Variants in SGCZ observed in about 807,000 individuals in gnomAD.
SGCZ encodes the protein sarcoglycan zeta.
SGCZ carries 40 observed loss-of-function variants against 41.3 expected under a neutral mutation model. The ratio of observed to expected loss-of-function variants is 0.97; its 90% CI spans 0.75 to 1.26. The LOEUF is 1.26. Ranked by LOEUF, SGCZ falls within the 50% of genes most tolerant of loss-of-function variation. The pLI is 0.00. For synonymous variants in SGCZ, 206 were observed against 137.5 expected, an observed-to-expected ratio of 1.50 and a Z score of -3.49; for missense variants, 552 against 369.8, an observed-to-expected ratio of 1.49 and a Z score of -4.04.
chr8:14,346,294 C>A (rs1030684460), intron 2 of SGCZ, among the ~76,000 whole-genome samples: 1 of 152,002 alleles, frequency 6.6e-6, no homozygotes, highest in Non-Finnish European at 1.5e-5. Context: ...TTAAAAAATT[C>A]TACTGTAGTA....
In SGCZ at chr8:14,722,903, TAAAC is replaced by T. The variant is rs897730655; in HGVS notation, c.40-167981_40-167978del. Among the ~76,000 whole-genome samples the T allele has an allele frequency of 1.0e-3, 156 of 152,208 alleles. 2 individuals are homozygous for T. The highest frequency in any genetic ancestry group is 3.6e-3 in the African/African-American group (150 of 41,534). On this transcript the variant is annotated intron_variant, in intron 1 of 7. Transcript: ENST00000382080. ...AAAATGCGTTCCATTTCAACAACAG[TAAAC>T]AAAGAAAAAACTAGAATTTAATCTC...
chr8:14,448,961 T>G (rs1320489894), intron 2 of SGCZ, among the ~76,000 whole-genome samples: 2 of 152,188 alleles, frequency 1.3e-5, no homozygotes, highest in Non-Finnish European at 2.9e-5. Context: ...GAATGACCAC[T>G]CAGTTTTTAT....
At chr8:14,820,512 A>G (rs1474885858) in intron 1 of SGCZ, among the ~76,000 whole-genome samples, 1 of 152,080 alleles carries the variant, frequency 6.6e-6, no homozygotes, top group Non-Finnish European at 1.5e-5. Flanking sequence ...ACATTTGTAC[A>G]GCTTTCCATC....
intron 5 of SGCZ, among the ~76,000 whole-genome samples, chr8:14,144,690 C>T (rs990845593): frequency 2.0e-5 from 3 of 152,164 alleles, no homozygotes; most frequent in African/African-American, 7.2e-5. Flanking sequence ...GAGTCCCCAG[C>T]TCCAGGACTT....
intron 1 of SGCZ, among the ~76,000 whole-genome samples, chr8:14,751,666 TG>T (rs1799501712): frequency 6.6e-6 from 1 of 152,122 alleles, no homozygotes; most frequent in Non-Finnish European, 1.5e-5. Context: ...TGAGAGGATT[TG>T]CCTCCCGAGT....
At chr8:14,665,901 C>T (rs1293422434) in intron 1 of SGCZ, among the ~76,000 whole-genome samples, 2 of 152,134 alleles carry the variant, frequency 1.3e-5, no homozygotes, top group African/African-American at 4.8e-5. Context: ...GTTATGTTTT[C>T]ACTTTCATTT....
chr8:14,600,646 G>T (rs923580515), intron 1 of SGCZ, among the ~76,000 whole-genome samples: 1 of 152,114 alleles, frequency 6.6e-6, no homozygotes, highest in Non-Finnish European at 1.5e-5. Flanking sequence ...TGCATTTGCT[G>T]ATAAAGGTTA....
rs1585549086 is a variant in SGCZ, at chr8:14,463,400, T to G, written c.234+91332A>C. Among the ~76,000 whole-genome samples the G allele has an allele frequency of 5.5e-5, 7 of 127,172 alleles. 2 individuals carry two copies. The highest frequency in any genetic ancestry group is 1.7e-5 in the Non-Finnish European group (1 of 58,670). The allele number at this position is 127,172 out of a possible 152,430, so 83.4% of individuals were successfully genotyped here. ...AAAAGAATACGAAGTTTTTAACAAG[T>G]GGTGTAAAAAAAAAAAAAAAACCCT... is the stretch of plus-strand genomic sequence containing the variant. On this transcript the variant is annotated intron_variant, in intron 2 of 7. Coordinates refer to ENST00000382080, the MANE Select transcript of SGCZ (RefSeq NM_139167.4).
chr8:14,902,411 T>C (rs1004264026), intron 1 of SGCZ, among the ~76,000 whole-genome samples: 2 of 152,128 alleles, frequency 1.3e-5, no homozygotes, highest in Non-Finnish European at 2.9e-5. Flanking sequence ...AATGCCTCTG[T>C]CTCTCCGAAG....
chr8:14,649,533 T>A (rs1807329726), intron 1 of SGCZ, among the ~76,000 whole-genome samples: 1 of 152,074 alleles, frequency 6.6e-6, no homozygotes, highest in Non-Finnish European at 1.5e-5. Flanking sequence ...GGAGCCTGTA[T>A]CTGAGATAGT....
intron 2 of SGCZ, among the ~76,000 whole-genome samples, chr8:14,398,763 A>C (rs1798989937): frequency 6.6e-6 from 1 of 152,116 alleles, no homozygotes; most frequent in Non-Finnish European, 1.5e-5. Context: ...TCTGAGTTAT[A>C]ATGTCCAGCA....
chr8:15,095,512 A>C (rs1806313543), intron 1 of SGCZ, among the ~76,000 whole-genome samples: 1 of 152,206 alleles, frequency 6.6e-6, no homozygotes, highest in South Asian at 2.1e-4. Flanking sequence ...TCAATTATTC[A>C]ATCATTTGAA....
At chr8:14,955,271 T>A (rs1465507225) in intron 1 of SGCZ, among the ~76,000 whole-genome samples, 2 of 152,204 alleles carry the variant, frequency 1.3e-5, no homozygotes, top group Non-Finnish European at 2.9e-5. Flanking sequence ...TCCATGTTGA[T>A]GTGTGTAGCT....
rs1802187191 is a variant in SGCZ, at chr8:15,237,728, C to G, written c.-105G>C. ...ACTCAGCTTTATCCTCCTCCAAGCCCCGGCAGCTCCTCTCAGTCTCATTCT... is the reference window on the plus strand; with the variant it reads ...ACTCAGCTTTATCCTCCTCCAAGCCGCGGCAGCTCCTCTCAGTCTCATTCT... On this transcript the variant is annotated 5_prime_UTR_variant, in exon 1 of 8. Coordinates refer to ENST00000382080, the MANE Select transcript of SGCZ (RefSeq NM_139167.4). 9 of 1,223,722 alleles carry G rather than the reference C, an allele frequency of 7.4e-6. No homozygotes were observed. Among genetic ancestry groups the G allele is most frequent in the Non-Finnish European group, 1.1e-5 (9 of 852,566 alleles). The allele number at this position is 1,223,722 out of a possible 1,614,324, so 75.8% of individuals were successfully genotyped here.
In SGCZ at chr8:14,310,008, A is replaced by G. The variant is rs192048458; in HGVS notation, c.336+14095T>C. On this transcript the variant is annotated intron_variant, in intron 3 of 7. Transcript: ENST00000382080. Reference sequence around the variant, plus strand: ...AAATTTTACCCATCCACAATAGTCAAAAAAAAACTTGGCATTTCTATACTT... The same window carrying G: ...AAATTTTACCCATCCACAATAGTCAGAAAAAAACTTGGCATTTCTATACTT... Among the ~76,000 whole-genome samples the G allele has an allele frequency of 3.7e-3, 569 of 152,188 alleles. 4 individuals are homozygous for G. The highest frequency in any genetic ancestry group is 0.013 in the African/African-American group (538 of 41,544).
intron 1 of SGCZ, among the ~76,000 whole-genome samples, chr8:14,904,413 T>A (rs920302117): frequency 1.3e-5 from 2 of 152,040 alleles, no homozygotes; most frequent in African/African-American, 4.8e-5. Context: ...AAACATCTCA[T>A]TATCAAAGAA....
At chr8:14,807,564 C>A (rs984718285) in intron 1 of SGCZ, among the ~76,000 whole-genome samples, 53 of 151,606 alleles carry the variant, frequency 3.5e-4, no homozygotes, top group African/African-American at 1.3e-3. Flanking sequence ...CAAACCACTG[C>A]TCAAGGAAAT....
In SGCZ at chr8:15,015,726, CGTGTGTGTGTGTGTGTGT is replaced by C. The variant is rs60624490; in HGVS notation, c.39+221841_39+221858del. On this transcript the variant is annotated intron_variant, in intron 1 of 7. Coordinates refer to ENST00000382080, the MANE Select transcript of SGCZ (RefSeq NM_139167.4). The stretch of plus-strand genomic sequence containing the variant: ...AAAGAAAAGAAAAAAGAAATATACA[CGTGTGTGTGTGTGTGTGT>C]GTGTGTGTGTGTGTGTGTGTGTGTG... Among the ~76,000 whole-genome samples, 331 of 125,174 alleles carry C rather than the reference CGTGTGTGTGTGTGTGTGT, an allele frequency of 2.6e-3. 2 individuals carry two copies. The highest frequency in any genetic ancestry group is 7.4e-3 in the African/African-American group (254 of 34,540). 82.1% of individuals were successfully genotyped at this position (125,174 alleles called of 152,430 possible). A position where few individuals can be genotyped will look rare whatever the true frequency, so the allele number is the denominator to read the frequency against.
At chr8:15,039,807 C>A (rs1202774272) in intron 1 of SGCZ, among the ~76,000 whole-genome samples, 2 of 152,110 alleles carry the variant, frequency 1.3e-5, no homozygotes, top group African/African-American at 4.8e-5. Context: ...TAATTATATG[C>A]TTACTTCCAT....
Sources: allele counts gnomAD v4.1 joint callset (sites outside exome capture counted in the v4.1 genomes callset), GRCh38; gene constraint gnomAD v4.1.1; transcripts MANE v1.5; gene names NCBI Gene and HGNC (gene_info 2026-07-23, HGNC 2026-07-21).